GPER1: variants seen among roughly 807,000 people sequenced by gnomAD.
The protein encoded by GPER1 is G protein-coupled estrogen receptor 1.
A neutral mutation model predicts 0.6 loss-of-function variants in GPER1; 2 were observed. The ratio of observed to expected loss-of-function variants is 3.41; its 90% confidence interval spans 1.39 to 10.72. GPER1 has a LOEUF of 10.72. Ranked by LOEUF, GPER1 falls within the 30% of genes most tolerant of loss-of-function variation. The pLI is 0.04. For missense variants in GPER1, 441 were observed against 535.2 expected, an observed-to-expected ratio of 0.82 and a Z score of 1.74; for synonymous variants, 263 against 247.6, an observed-to-expected ratio of 1.06 and a Z score of -0.58.
At chr7:1,090,573 G>A (rs1415684564) in intron 1 of GPER1, among the ~76,000 whole-genome samples, 1 of 149,000 alleles carries the variant, frequency 6.7e-6, no homozygotes, top group East Asian at 1.9e-4. Context: ...GGTGACACGG[G>A]GCGGGTGACG....
rs770844463 is a variant in GPER1 at position 1,092,768 on chromosome 7, C to T, written c.1040C>T (p.Ala347Val). 4.3e-6 allele frequency: 7 copies of T among 1,613,558 alleles called. No homozygotes were observed. Among genetic ancestry groups the T allele is most frequent in the Non-Finnish European group, 5.9e-6 (7 of 1,180,000 alleles). ...ATTGAGCAGAAAACAAATTTGCCGG[C>T]CCTGAACCGCTTCTGTCACGCTGCC... ...LYIEQKTNLP[A>V]LNRFCHAALK... Residue 347 changes from alanine (A) to valine (V), a missense_variant, in exon 2 of 2, where the codon GCC becomes GTC. Physicochemically the swap from Ala to Val is moderately conservative, Grantham distance 64. Transcript: ENST00000397088.
chr7:1,089,163 C>T (rs1787682840), intron 1 of GPER1, among the ~76,000 whole-genome samples: 2 of 152,270 alleles, frequency 1.3e-5, no homozygotes, highest in Admixed American at 1.3e-4. Context: ...AATACAGAGG[C>T]GAAATGCGGA....
chr7:1,093,680 G>T lies in GPER1; in HGVS notation c.*824G>T, dbSNP rs551093454. On this transcript the variant is annotated 3_prime_UTR_variant, in exon 2 of 2. Transcript: ENST00000397088. ...AAATACTCCAGCACCTGTGGCTGAC[G>T]AATTTGTTTCTACAGAAATAACAGC... 4.9e-5 allele frequency: 23 copies of T among 469,688 alleles called. No individual in the cohort carries two copies. The East Asian group carries it at 1.4e-3, about 29-fold the overall frequency. The allele number at this position is 469,688 out of a possible 1,614,324, so 29.1% of individuals were successfully genotyped here.
Position 1,093,496 on chromosome 7 carries a change from C to T in GPER1, c.*640C>T, listed in dbSNP as rs763109751. The stretch of plus-strand genomic sequence containing the variant: ...TCACCAGGCCCACGAGGAGCAGCAG[C>T]GCTCGGCCCGGAGCAGCAGGAAGGC... On this transcript the variant is annotated 3_prime_UTR_variant, in exon 2 of 2. Coordinates refer to ENST00000397088, the MANE Select transcript of GPER1 (RefSeq NM_001098201.3). 1 of 470,472 alleles carries T rather than the reference C, an allele frequency of 2.1e-6. No homozygotes were observed. The highest frequency in any genetic ancestry group is 1.5e-5 in the South Asian group (1 of 64,564). The allele number at this position is 470,472 out of a possible 1,614,324, so 29.1% of individuals were successfully genotyped here. A position where few individuals can be genotyped will look rare whatever the true frequency, so the allele number is the denominator to read the frequency against.
rs1563101987 is a variant in GPER1 at position 1,092,154 on chromosome 7, C to CA, written c.427dup (p.Ser143LysfsTer198). The CA allele has an allele frequency of 6.2e-7, 1 of 1,613,430 alleles. No homozygotes were observed. The highest frequency in any genetic ancestry group is 8.5e-7 in the Non-Finnish European group (1 of 1,179,996). On this transcript the variant is annotated frameshift_variant, in exon 2 of 2. Coordinates refer to ENST00000397088, the MANE Select transcript of GPER1 (RefSeq NM_001098201.3). LOFTEE classifies it low-confidence loss of function (END_TRUNC). ...CGCTCTTCCTGCAGGTCAACATGTA[C>CA]AGCAGCGTCTTCTTCCTCACCTGGA...
At position 1,092,726 on chromosome 7, in the gene GPER1, A is replaced by G; in HGVS notation, c.998A>G (p.Asp333Gly). The G allele has an allele frequency of 1.2e-6, 2 of 1,613,488 alleles. No homozygotes were observed. The highest frequency in any genetic ancestry group is 2.2e-5 in the East Asian group (1 of 44,862). ...AGCTTTCTCGGGGAGACCTTCAGGG[A>G]CAAGCTGAGGCTGTACATTGAGCAG... is the stretch of plus-strand genomic sequence containing the variant. ...IYSFLGETFR[D>G]KLRLYIEQKT... Residue 333 changes from aspartate (D) to glycine (G), a missense_variant, in exon 2 of 2, where the codon GAC becomes GGC. Asp to Gly is a moderately conservative substitution (Grantham distance 94). Transcript: ENST00000397088.
At chr7:1,090,543 C>T (rs544057566) in intron 1 of GPER1, among the ~76,000 whole-genome samples, 131 of 151,132 alleles carry the variant, frequency 8.7e-4, no homozygotes, top group African/African-American at 3.1e-3. Context: ...TGGGACCCTA[C>T]CCACTGGCGG....
In GPER1 at chr7:1,092,833, G is replaced by A. The variant is rs759110202; in HGVS notation, c.1105G>A (p.Val369Met). The A allele has an allele frequency of 1.2e-6, 2 of 1,613,014 alleles. No individual in the cohort carries two copies. Residue 369 changes from valine (V) to methionine (M), a missense_variant, in exon 2 of 2, where the codon GTG (valine) becomes ATG (methionine). Coordinates refer to ENST00000397088, the MANE Select transcript of GPER1 (RefSeq NM_001098201.3). ...TCCAGACAGCACCGAGCAGTCGGAT[G>A]TGAGGTTCAGCAGTGCCGTGTAGAC... ...VIPDSTEQSD[V>M]RFSSAV is the part of the protein sequence containing the mutation.
At position 1,092,614 on chromosome 7, in the gene GPER1, C is replaced by T. The variant is rs1365856600; in HGVS notation, c.886C>T (p.Gln296Ter). ...RTQPGAAPCK[Q>*]SFRHAHPLTG... is the part of the protein sequence containing the mutation. ...GCAGCCTGGGGCCGCTCCCTGCAAG[C>T]AGTCTTTCCGCCATGCCCACCCCCT... is the stretch of plus-strand genomic sequence containing the variant. The change falls in exon 2 of 2, where the codon CAG (glutamine) becomes TAG (stop). Residue 296 changes from glutamine (Q) to a stop codon, truncating the protein, a stop_gained. Coordinates refer to ENST00000397088, the MANE Select transcript of GPER1 (RefSeq NM_001098201.3). LOFTEE classifies it high-confidence loss of function. 1.9e-6 allele frequency: 3 copies of T among 1,612,046 alleles called. No homozygotes were observed. The African/African-American group carries it at 4.0e-5, about 22-fold the overall frequency.
Position 1,088,608 on chromosome 7 carries a change from G to A in GPER1, c.-323+287G>A, listed in dbSNP as rs537116867. ...CGTCACGTTCTGTCCCAGCAAGAAC[G>A]TGTCTCACTTCAAGAAAATGAGGGT... On this transcript the variant is annotated intron_variant, in intron 1 of 1. Coordinates refer to ENST00000397088, the MANE Select transcript of GPER1 (RefSeq NM_001098201.3). This position sits in a 1 kb window ranked among gnomAD's most constrained non-coding sequence, Gnocchi z 4.5. 8.5e-5 allele frequency among the ~76,000 whole-genome samples: 13 copies of A among 152,320 alleles called. No individual in the cohort carries two copies. Among genetic ancestry groups the A allele is most frequent in the Non-Finnish European group, 1.2e-4 (8 of 68,028 alleles).
Position 1,091,732 on chromosome 7 carries a change from G to C in GPER1, c.4G>C (p.Asp2His). The change falls in exon 2 of 2, where the codon GAT becomes CAT. Residue 2 changes from aspartate to histidine, a missense_variant. Physicochemically the swap from Asp to His is moderately conservative, Grantham distance 81 (BLOSUM62 -1). Coordinates refer to ENST00000397088, the MANE Select transcript of GPER1 (RefSeq NM_001098201.3). Reference sequence around the variant, plus strand: ...GAAAGCTGCACGGTGCAGAGACATGGATGTGACTTCCCAAGCCCGGGGCGT... The same window carrying C: ...GAAAGCTGCACGGTGCAGAGACATGCATGTGACTTCCCAAGCCCGGGGCGT... M[D>H]VTSQARGVGL... 1 of 1,527,314 alleles carries C rather than the reference G, an allele frequency of 6.5e-7. No homozygotes were observed. Among genetic ancestry groups the C allele is most frequent in the Non-Finnish European group, 8.8e-7 (1 of 1,136,990 alleles). 94.6% of individuals were successfully genotyped at this position (1,527,314 alleles called of 1,614,324 possible). A position where few individuals can be genotyped will look rare whatever the true frequency, so the allele number is the denominator to read the frequency against.
rs768259080 is a variant in GPER1 at position 1,091,602 on chromosome 7, T to G, written c.-127T>G. 1 of 792,752 alleles carries G rather than the reference T, an allele frequency of 1.3e-6. No individual in the cohort carries two copies. Among genetic ancestry groups the G allele is most frequent in the Non-Finnish European group, 2.1e-6 (1 of 483,552 alleles). The allele number at this position is 792,752 out of a possible 1,614,324, so 49.1% of individuals were successfully genotyped here. A position where few individuals can be genotyped will look rare whatever the true frequency, so the allele number is the denominator to read the frequency against. ...ACCACAGGTGCTCCTCCTGGGGAGT[T>G]TCCTGTCTGACAAATGCCAGGCTCA... On this transcript the variant is annotated 5_prime_UTR_variant, in exon 2 of 2. Transcript: ENST00000397088.
chr7:1,087,638 A>G (rs776082768), upstream of GPER1, among the ~76,000 whole-genome samples: 3 of 152,222 alleles, frequency 2.0e-5, no homozygotes, highest in Non-Finnish European at 4.4e-5. Context: ...CAGATGCTTA[A>G]CCAGTACTCA....
In GPER1 at chr7:1,092,107, G is replaced by A. The variant is rs770036304; in HGVS notation, c.379G>A (p.Ala127Thr). ...FNLHERYYDI[A>T]VLCTFMSLFL... is the part of the protein sequence containing the mutation. ...CCTGCACGAGCGGTACTACGACATC[G>A]CCGTCCTGTGCACCTTCATGTCGCT... Residue 127 changes from alanine (A) to threonine (T), a missense_variant, in exon 2 of 2, where the codon GCC (alanine) becomes ACC (threonine). Transcript: ENST00000397088. The A allele has an allele frequency of 2.9e-5, 46 of 1,613,652 alleles. No individual in the cohort carries two copies. The highest frequency in any genetic ancestry group is 3.3e-4 in the Middle Eastern group (2 of 6,084).
In GPER1 at chr7:1,092,333, A is replaced by C; in HGVS notation, c.605A>C (p.Asp202Ala). Residue 202 changes from aspartate (D) to alanine (A), a missense_variant, in exon 2 of 2, where the codon GAC becomes GCC. Asp to Ala is a moderately radical substitution (Grantham distance 126). Transcript: ENST00000397088. ...PFTAVHLQHT[D>A]EACFCFADVR... ...ACCGCCGTGCACCTGCAGCACACCG[A>C]CGAGGCCTGCTTCTGTTTCGCGGAT... 1 of 1,611,482 alleles carries C rather than the reference A, an allele frequency of 6.2e-7. No individual in the cohort carries two copies. The highest frequency in any genetic ancestry group is 8.5e-7 in the Non-Finnish European group (1 of 1,179,474).
In GPER1 at chr7:1,092,735, G is replaced by A; in HGVS notation, c.1007G>A (p.Arg336Lys). 6.2e-7 allele frequency: 1 copy of A among 1,613,650 alleles called. No individual in the cohort carries two copies. The highest frequency in any genetic ancestry group is 8.5e-7 in the Non-Finnish European group (1 of 1,180,026). The change falls in exon 2 of 2, where the codon AGG becomes AAG. Residue 336 changes from arginine to lysine, a missense_variant. Arg to Lys is a conservative substitution (Grantham distance 26, BLOSUM62 2). Coordinates refer to ENST00000397088, the MANE Select transcript of GPER1 (RefSeq NM_001098201.3). ...GGGGAGACCTTCAGGGACAAGCTGA[G>A]GCTGTACATTGAGCAGAAAACAAAT... ...FLGETFRDKL[R>K]LYIEQKTNLP...
At position 1,093,798 on chromosome 7, in the gene GPER1, T is replaced by C. The variant is rs1788290076; in HGVS notation, c.*942T>C. ...GACGTTCAGCCTTTGTCAATAAACC[T>C]GTCATGTGCGGATCCTTCCGGAGGC... On this transcript the variant is annotated 3_prime_UTR_variant, in exon 2 of 2. Transcript: ENST00000397088. 3 of 413,372 alleles carry C rather than the reference T, an allele frequency of 7.3e-6. No individual in the cohort carries two copies. In the Admixed American group the frequency reaches 7.8e-5, roughly 11 times the overall value. 25.6% of individuals were successfully genotyped at this position (413,372 alleles called of 1,614,324 possible).
intron 1 of GPER1, among the ~76,000 whole-genome samples, chr7:1,089,286 C>G (rs1787695968): frequency 6.6e-6 from 1 of 152,218 alleles, no homozygotes; most frequent in Non-Finnish European, 1.5e-5. Context: ...AATTCACCAG[C>G]CCCAGCTAAG....
In GPER1 at chr7:1,091,700, A is replaced by T. The variant is rs770412758; in HGVS notation, c.-29A>T. Reference sequence around the variant, plus strand: ...AACAGAGCTCTGGGAGCCTTTCGGCAAATCTTGAAAGCTGCACGGTGCAGA... The same window carrying T: ...AACAGAGCTCTGGGAGCCTTTCGGCTAATCTTGAAAGCTGCACGGTGCAGA... On this transcript the variant is annotated 5_prime_UTR_variant, in exon 2 of 2. An upstream open reading frame in the 5' UTR gains an earlier in-frame stop. Coordinates refer to ENST00000397088, the MANE Select transcript of GPER1 (RefSeq NM_001098201.3). 6.7e-7 allele frequency: 1 copy of T among 1,491,856 alleles called. No homozygotes were observed. The highest frequency in any genetic ancestry group is 9.0e-7 in the Non-Finnish European group (1 of 1,112,194). 92.4% of individuals were successfully genotyped at this position (1,491,856 alleles called of 1,614,324 possible). A position where few individuals can be genotyped will look rare whatever the true frequency, so the allele number is the denominator to read the frequency against.
Sources: gnomAD v4.1 joint callset for allele counts (sites outside exome capture counted in the v4.1 genomes callset) on GRCh38, gnomAD v4.1.1 for gene constraint, Gnocchi (gnomAD v3.1) non-coding constraint, MANE v1.5 for transcripts, NCBI Gene and HGNC (gene_info 2026-07-23, HGNC 2026-07-21) for gene names.